Variants in PTPRN2 observed in about 807,000 individuals in gnomAD.
PTPRN2 encodes the protein protein tyrosine phosphatase receptor type N2, also known as receptor-type tyrosine-protein phosphatase N2.
In PTPRN2, 74 loss-of-function variants were observed where a neutral mutation model predicts 118.8. That is an observed-to-expected ratio of 0.62 (90% CI 0.52 to 0.76). The LOEUF (loss-of-function observed/expected upper bound fraction) is 0.76. PTPRN2 is among the 30% of genes least tolerant of loss of function. PTPRN2 has a pLI of 0.00. For missense variants in PTPRN2, 1,481 were observed against 1,394.4 expected (o/e 1.06, Z -0.99); for synonymous variants, 641 against 608.0 (o/e 1.05, Z -0.80).
In PTPRN2 at chr7:157,621,396, G is replaced by C; in HGVS notation, c.2310C>G (p.Asn770Lys). Residue 770 changes from asparagine (N) to lysine (K), a missense_variant, in exon 15 of 23, where the codon AAC becomes AAG. By Grantham distance (94) the Asn-to-Lys change is moderately conservative. Around this residue, in one of 3 missense-constraint regions of PTPRN2, gnomAD observed 362 missense variants for 384.1 expected, o/e 0.94. Coordinates refer to ENST00000389418, the MANE Select transcript of PTPRN2 (RefSeq NM_002847.5). ...NSSFVAQREENVPKNRSLAVL... is the reference protein window; with the variant it reads ...NSSFVAQREEKVPKNRSLAVL... ...CGGCCAGGGAGCGGTTCTTGGGCAC[G>C]TTCTCCTCCCTCTGGGCCACGAACG... The C allele has an allele frequency of 6.3e-7, 1 of 1,589,636 alleles. No homozygotes were observed. Among genetic ancestry groups the C allele is most frequent in the East Asian group, 2.3e-5 (1 of 44,322 alleles).
At chr7:158,562,769 A>G (rs1234272545) in intron 1 of PTPRN2, among the ~76,000 whole-genome samples, 1 of 152,206 alleles carries the variant, frequency 6.6e-6, no homozygotes, top group Non-Finnish European at 1.5e-5. Flanking sequence ...CCTGAATCAT[A>G]CGTGAAGCCT....
At chr7:158,382,189 C>T (rs1007548383) in intron 2 of PTPRN2, among the ~76,000 whole-genome samples, 1 of 152,156 alleles carries the variant, frequency 6.6e-6, no homozygotes, top group African/African-American at 2.4e-5. Context: ...GGCAACGCAG[C>T]TCAGCACAGC....
intron 12 of PTPRN2, among the ~76,000 whole-genome samples, chr7:157,711,943 A>G: frequency 2.0e-5 from 2 of 100,220 alleles, no homozygotes; most frequent in Non-Finnish European, 2.0e-5. Context: ...GAGTGGGGGG[A>G]GGGGCTGCGT....
chr7:157,561,075 C>T (rs1799163202), intron 21 of PTPRN2, among the ~76,000 whole-genome samples: 1 of 152,198 alleles, frequency 6.6e-6, no homozygotes, highest in Non-Finnish European at 1.5e-5. Context: ...CCCTCTTAGT[C>T]CCGCACTGCC....
At chr7:158,059,582 C>G (rs1171137706) in intron 11 of PTPRN2, among the ~76,000 whole-genome samples, 169 of 91,054 alleles carry the variant, frequency 1.9e-3, no homozygotes, top group East Asian at 3.6e-3. Context: ...CCCACGGTGA[C>G]ACATCACTGC....
At chr7:157,793,065 C>G (rs958709344) in intron 12 of PTPRN2, among the ~76,000 whole-genome samples, 57 of 152,050 alleles carry the variant, frequency 3.7e-4, no homozygotes, top group African/African-American at 1.3e-3. Flanking sequence ...ATTAATGGGA[C>G]CCCTCTACAA....
At position 157,671,513 on chromosome 7, in the gene PTPRN2, T is replaced by C. The variant is rs994956541; in HGVS notation, c.2001+11212A>G. Among the ~76,000 whole-genome samples, 1 of 146,970 alleles carries C rather than the reference T, an allele frequency of 6.8e-6. No homozygotes were observed. The highest frequency in any genetic ancestry group is 1.5e-5 in the Non-Finnish European group (1 of 66,838). ...GGACAGATGGGAGGGTCTGCAGGGA[T>C]AAAGTGGGAGGGGGGGCGGTGCAAC... is the stretch of plus-strand genomic sequence containing the variant. On this transcript the variant is annotated intron_variant, in intron 13 of 22. Coordinates refer to ENST00000389418, the MANE Select transcript of PTPRN2 (RefSeq NM_002847.5). This position sits in a 1 kb window ranked among gnomAD's most constrained non-coding sequence, Gnocchi z 4.1.
At chr7:158,149,649 C>G (rs1820730450) in intron 6 of PTPRN2, among the ~76,000 whole-genome samples, 1 of 151,850 alleles carries the variant, frequency 6.6e-6, no homozygotes, top group Admixed American at 6.6e-5. Context: ...ACTAAAAATA[C>G]AAAAATGACC....
chr7:158,149,378 G>C (rs182800766), intron 6 of PTPRN2, among the ~76,000 whole-genome samples: 3 of 151,644 alleles, frequency 2.0e-5, no homozygotes, highest in African/African-American at 4.8e-5. Flanking sequence ...AATCTAACCA[G>C]TGTCTTTTCA....
chr7:157,792,254 C>A (rs892948302), intron 12 of PTPRN2, among the ~76,000 whole-genome samples: 6 of 152,242 alleles, frequency 3.9e-5, no homozygotes, highest in African/African-American at 1.4e-4. Context: ...CAGCAAGCCG[C>A]GGGAGAGGCC....
intron 1 of PTPRN2, among the ~76,000 whole-genome samples, chr7:158,501,106 C>CT (rs1446761973): frequency 2.0e-5 from 3 of 152,260 alleles, no homozygotes; most frequent in Admixed American, 6.5e-5. Flanking sequence ...AAGTCTGGTG[C>CT]TTTTCTATTT....
rs1433975515 is a variant in PTPRN2 at position 157,729,854 on chromosome 7, A to C, written c.1789-46917T>G. Reference sequence around the variant, plus strand: ...CAGGCGGATGAGGGAAGGACCGTCCATTTGACTGGGCCACAGGTGTTTAGA... The same window carrying C: ...CAGGCGGATGAGGGAAGGACCGTCCCTTTGACTGGGCCACAGGTGTTTAGA... On this transcript the variant is annotated intron_variant, in intron 12 of 22. Transcript: ENST00000389418. This position sits in a 1 kb window ranked among gnomAD's most constrained non-coding sequence, Gnocchi z 4.3. Among the ~76,000 whole-genome samples, 1 of 152,174 alleles carries C rather than the reference A, an allele frequency of 6.6e-6. No homozygotes were observed. The highest frequency in any genetic ancestry group is 2.4e-5 in the African/African-American group (1 of 41,442).
At chr7:157,814,569 GGGGGGCAGGA>G (rs1194660048) in intron 12 of PTPRN2, among the ~76,000 whole-genome samples, 32 of 135,930 alleles carry the variant, frequency 2.4e-4, no homozygotes, top group South Asian at 9.6e-4. Flanking sequence ...GAGGAGAGAC[GGGGGGCAGGA>G]GGGGGCAGGA....
intron 2 of PTPRN2, among the ~76,000 whole-genome samples, chr7:158,404,446 G>A (rs1157534702): frequency 1.3e-5 from 2 of 152,158 alleles, no homozygotes; most frequent in Non-Finnish European, 1.5e-5. Flanking sequence ...CCCGGGGCAG[G>A]CGCTGAGGCC....
intron 3 of PTPRN2, among the ~76,000 whole-genome samples, chr7:158,244,971 G>A (rs960700537): frequency 6.6e-6 from 1 of 152,212 alleles, no homozygotes; most frequent in Non-Finnish European, 1.5e-5. Context: ...AGCGAGGCCA[G>A]CAGTTCGAAG....
At chr7:157,799,110 A>G (rs1805063100) in intron 12 of PTPRN2, among the ~76,000 whole-genome samples, 1 of 152,130 alleles carries the variant, frequency 6.6e-6, no homozygotes, top group African/African-American at 2.4e-5. Context: ...TCAGAGAGGT[A>G]GTGGTTGCAG....
chr7:158,307,465 C>G (rs116281871), intron 3 of PTPRN2, among the ~76,000 whole-genome samples: 2 of 151,636 alleles, frequency 1.3e-5, no homozygotes, highest in East Asian at 3.9e-4. Flanking sequence ...CTGAGATACA[C>G]GTAAAGGAAG....
intron 21 of PTPRN2, among the ~76,000 whole-genome samples, chr7:157,549,437 G>A (rs1410091636): frequency 6.6e-6 from 1 of 150,876 alleles, no homozygotes; most frequent in Non-Finnish European, 1.5e-5. Flanking sequence ...TAAAAAATCA[G>A]ATTAATTTAG....
intron 3 of PTPRN2, among the ~76,000 whole-genome samples, chr7:158,250,851 A>G (rs1411996840): frequency 6.6e-6 from 1 of 152,220 alleles, no homozygotes; most frequent in African/African-American, 2.4e-5. Context: ...CACAAAAGAC[A>G]ATTCCAGATG....
Sources: allele counts gnomAD v4.1 joint callset (sites outside exome capture counted in the v4.1 genomes callset), GRCh38; gene constraint gnomAD v4.1.1; regional missense constraint gnomAD v4.1.1; non-coding constraint Gnocchi (gnomAD v3.1); transcripts MANE v1.5; gene names NCBI Gene and HGNC (gene_info 2026-07-23, HGNC 2026-07-21).